The following DENND2B variants were observed in gnomAD, a reference collection of about 807,000 sequenced individuals.
The protein encoded by DENND2B is DENN domain containing 2B.
In DENND2B, 32 loss-of-function variants were observed where a neutral mutation model predicts 116.0. That is an observed-to-expected ratio of 0.28 (90% CI 0.21 to 0.37). The LOEUF (loss-of-function observed/expected upper bound fraction) is 0.37. Among genes scored for constraint, DENND2B ranks in the 10% least tolerant of loss-of-function variants. DENND2B has a pLI of 1.00. For missense variants in DENND2B, 1,276 were observed against 1,477.7 expected, an observed-to-expected ratio of 0.86 and a Z score of 2.24; for synonymous variants, 588 against 583.9, an observed-to-expected ratio of 1.01 and a Z score of -0.10.
At chr11:8,705,042 G>A (rs1453734588) in intron 13 of DENND2B, among the ~76,000 whole-genome samples, 5 of 152,020 alleles carry the variant, frequency 3.3e-5, no homozygotes, top group Non-Finnish European at 7.4e-5. Flanking sequence ...GCCATCAGAT[G>A]AGAATCCAAA....
intron 1 of DENND2B, among the ~76,000 whole-genome samples, chr11:8,770,839 C>T (rs2056730649): frequency 2.0e-5 from 3 of 152,180 alleles, no homozygotes; most frequent in South Asian, 2.1e-4. Flanking sequence ...GATAGGTGTG[C>T]ACCACTGCAC....
At chr11:8,764,145 G>A (rs1439483381) in intron 1 of DENND2B, among the ~76,000 whole-genome samples, 6 of 152,046 alleles carry the variant, frequency 3.9e-5, no homozygotes, top group South Asian at 2.1e-4. Context: ...ACTTGAACCC[G>A]GGAGGCGGAG....
chr11:8,708,298 T>G (rs896350506), intron 11 of DENND2B: 66 of 985,350 alleles, frequency 6.7e-5, no homozygotes, highest in Non-Finnish European at 7.5e-5. Flanking sequence ...CATTCCTTTT[T>G]TTGCTTCTTT....
At chr11:8,741,007 G>A (rs1043525623) in intron 2 of DENND2B, among the ~76,000 whole-genome samples, 1 of 152,196 alleles carries the variant, frequency 6.6e-6, no homozygotes, top group Non-Finnish European at 1.5e-5. Flanking sequence ...GAAAAGTCCT[G>A]AGAAAAAGCC....
intron 2 of DENND2B, among the ~76,000 whole-genome samples, chr11:8,863,773 G>C (rs2063487047): frequency 6.6e-6 from 1 of 152,012 alleles, no homozygotes; most frequent in Non-Finnish European, 1.5e-5. Context: ...TTATCTCCAG[G>C]TATCTATGTA....
At chr11:8,821,834 C>T (rs578090177) in intron 4 of DENND2B, among the ~76,000 whole-genome samples, 1 of 152,226 alleles carries the variant, frequency 6.6e-6, no homozygotes, top group African/African-American at 2.4e-5. Flanking sequence ...CTCTATCGCC[C>T]AGGCTGGAGT....
chr11:8,800,489 A>C (rs528201615), intron 1 of DENND2B, among the ~76,000 whole-genome samples: 1 of 152,310 alleles, frequency 6.6e-6, no homozygotes, highest in Admixed American at 6.5e-5. Flanking sequence ...AGAAGTAAAA[A>C]AGCTGAAGAA....
intron 17 of DENND2B, among the ~76,000 whole-genome samples, 191 bp from the exon 18 acceptor site, chr11:8,696,857 C>T (rs1565614684): frequency 6.6e-6 from 1 of 152,232 alleles, no homozygotes; most frequent in East Asian, 1.9e-4. Flanking sequence ...CATCTCAGCT[C>T]ATTGCAACCT....
chr11:8,851,058 A>G (rs1400727492), intron 3 of DENND2B, among the ~76,000 whole-genome samples: 1 of 152,190 alleles, frequency 6.6e-6, no homozygotes, highest in Non-Finnish European at 1.5e-5. Context: ...TTGGTCAAAG[A>G]ACACAAAATT....
chr11:8,751,352 T>G (rs765498987), intron 1 of DENND2B, among the ~76,000 whole-genome samples: 1 of 152,130 alleles, frequency 6.6e-6, no homozygotes, highest in South Asian at 2.1e-4. Context: ...CCAATCAGCA[T>G]GATGTGGGTG....
chr11:8,853,199 C>T (rs912738691), intron 3 of DENND2B, among the ~76,000 whole-genome samples: 1 of 152,002 alleles, frequency 6.6e-6, no homozygotes, highest in Non-Finnish European at 1.5e-5. Context: ...CCCGTCCCTA[C>T]TAAAAATACA....
chr11:8,886,951 C>G (rs2063967781), intron 1 of DENND2B, among the ~76,000 whole-genome samples: 1 of 152,130 alleles, frequency 6.6e-6, no homozygotes, highest in Admixed American at 6.5e-5. Flanking sequence ...GCCTCAGCCT[C>G]CCAAGTAGCT....
At chr11:8,748,563 G>A (rs1593113412) in intron 2 of DENND2B, among the ~76,000 whole-genome samples, 1 of 151,786 alleles carries the variant, frequency 6.6e-6, no homozygotes, top group East Asian at 1.9e-4. Context: ...AGAGAAGGGT[G>A]TCACTAGCCA....
At chr11:8,756,899 G>C (rs1179779403) in intron 1 of DENND2B, 1 of 391,236 alleles carries the variant, frequency 2.6e-6, no homozygotes. Context: ...CAATGGCAAA[G>C]TCTAGGCAGA....
intron 1 of DENND2B, among the ~76,000 whole-genome samples, chr11:8,758,041 G>A (rs545254690): frequency 6.6e-6 from 1 of 152,258 alleles, no homozygotes; most frequent in East Asian, 1.9e-4. Flanking sequence ...ACATTGATGG[G>A]GTGCTTTAAA....
intron 1 of DENND2B, among the ~76,000 whole-genome samples, chr11:8,797,099 A>C (rs1172335740): frequency 6.6e-6 from 1 of 152,256 alleles, no homozygotes; most frequent in Non-Finnish European, 1.5e-5. Context: ...GCAAGAACAC[A>C]TGCTTGGAAT....
At chr11:8,734,505 C>T (rs747597458) in intron 2 of DENND2B, among the ~76,000 whole-genome samples, 6 of 152,048 alleles carry the variant, frequency 3.9e-5, no homozygotes, top group Non-Finnish European at 7.4e-5. Flanking sequence ...TCACGTATCT[C>T]GGCCAGGTGC....
intron 3 of DENND2B, among the ~76,000 whole-genome samples, chr11:8,851,761 T>C (rs755641496): frequency 9.2e-5 from 14 of 152,348 alleles, no homozygotes; most frequent in East Asian, 1.9e-4. Flanking sequence ...GAGATTAAAG[T>C]AGATCAAATA....
At chr11:8,887,744 A>T (rs2063978201) in intron 1 of DENND2B, among the ~76,000 whole-genome samples, 1 of 152,206 alleles carries the variant, frequency 6.6e-6, no homozygotes, top group Non-Finnish European at 1.5e-5. Context: ...CCCTAATCAA[A>T]GGAATAAAGT....
Sources: gnomAD v4.1 joint callset for allele counts (sites outside exome capture counted in the v4.1 genomes callset) on GRCh38, gnomAD v4.1.1 for gene constraint, MANE v1.5 for transcripts, NCBI Gene and HGNC (gene_info 2026-07-23, HGNC 2026-07-21) for gene names.